The following SYT7 variants were observed in gnomAD, a reference collection of about 807,000 sequenced individuals.
SYT7 encodes synaptotagmin-7.
In SYT7, 29 loss-of-function variants were observed where a neutral mutation model predicts 75.1. The observed-to-expected ratio is 0.39, with a 90% confidence interval of 0.29 to 0.53. The LOEUF (loss-of-function observed/expected upper bound fraction) is 0.53. Ranked by LOEUF, SYT7 falls within the 20% of genes least tolerant of loss-of-function variation. SYT7 has a pLI of 0.77. For synonymous variants in SYT7, 376 were observed against 401.7 expected, an observed-to-expected ratio of 0.94 and a Z score of 0.76; for missense variants, 693 against 953.2, an observed-to-expected ratio of 0.73 and a Z score of 3.59.
At chr11:61,533,826 A>C in intron 7 of SYT7, 1 of 223,002 alleles carries the variant, frequency 4.5e-6, no homozygotes, top group Non-Finnish European at 7.5e-6. Context: ...ATTTAGTTTA[A>C]TGGCCCCATA....
At chr11:61,541,103 C>G (rs903947106) in intron 6 of SYT7, 16 of 985,398 alleles carry the variant, frequency 1.6e-5, no homozygotes, top group Admixed American at 1.2e-4. Context: ...CCCATCTGCC[C>G]GGGAAGCCCT....
intron 2 of SYT7, among the ~76,000 whole-genome samples, chr11:61,552,628 A>G (rs1435427377): frequency 6.6e-6 from 1 of 152,196 alleles, no homozygotes; most frequent in African/African-American, 2.4e-5. Context: ...TGTCACAGCC[A>G]TGCTCCCTGA....
Position 61,523,366 on chromosome 11 carries a change from G to C in SYT7, c.1757-92C>G. On this transcript the variant is annotated intron_variant, in intron 11 of 12. Transcript: ENST00000539008. This position sits in a 1 kb window ranked among gnomAD's most constrained non-coding sequence, Gnocchi z 5.0. ...CTTCCAGGAATGGAAGCTGAGGCAG[G>C]AGGGCCGTGTGCTTTCCCCAGAGGC... 7.7e-7 allele frequency: 1 copy of C among 1,294,276 alleles called. No homozygotes were observed. Among genetic ancestry groups the C allele is most frequent in the Admixed American group, 1.7e-5 (1 of 57,748 alleles). 80.2% of individuals were successfully genotyped at this position (1,294,276 alleles called of 1,614,324 possible). A position where few individuals can be genotyped will look rare whatever the true frequency, so the allele number is the denominator to read the frequency against.
rs1415818525 is a variant in SYT7 at position 61,538,357 on chromosome 11, G to GAGAC, written c.942-92_942-91insGTCT. On this transcript the variant is annotated intron_variant, in intron 6 of 12. Transcript: ENST00000539008. ...GGAAGGAGAGAGAGGGAGAGAGAGA[G>GAGAC]AGAGAGAGAGAGAGAGAGAGAGAGA... 2.7e-6 allele frequency: 2 copies of GAGAC among 734,326 alleles called. 1 individual carries two copies. The highest frequency in any genetic ancestry group is 3.7e-5 in the African/African-American group (2 of 54,446). 45.5% of individuals were successfully genotyped at this position (734,326 alleles called of 1,614,324 possible). A position where few individuals can be genotyped will look rare whatever the true frequency, so the allele number is the denominator to read the frequency against.
chr11:61,518,975 T>C (rs749406593), intron 12 of SYT7, among the ~76,000 whole-genome samples: 7 of 152,230 alleles, frequency 4.6e-5, no homozygotes, highest in Non-Finnish European at 1.0e-4. Context: ...GGAATTAGAC[T>C]GCCAACCTAT....
rs1326728736 is a variant in SYT7, at chr11:61,517,304, G to C, written c.*1323C>G. 2.5e-6 allele frequency: 1 copy of C among 398,546 alleles called. No individual in the cohort carries two copies. The highest frequency in any genetic ancestry group is 4.4e-6 in the Non-Finnish European group (1 of 226,106). 24.7% of individuals were successfully genotyped at this position (398,546 alleles called of 1,614,324 possible). Reference sequence around the variant, plus strand: ...CAGTGGCCGAGGCAGAGAAACCACAGCTTCTTTGTGTGTGGCAACCTCAGA... The same window carrying C: ...CAGTGGCCGAGGCAGAGAAACCACACCTTCTTTGTGTGTGGCAACCTCAGA... On this transcript the variant is annotated 3_prime_UTR_variant, in exon 13 of 13. Transcript: ENST00000539008.
chr11:61,534,240 G>A (rs1039398653), intron 7 of SYT7, among the ~76,000 whole-genome samples: 1 of 152,224 alleles, frequency 6.6e-6, no homozygotes, highest in Non-Finnish European at 1.5e-5. Context: ...GGGTGGACAT[G>A]AGCCATGGCC....
upstream of SYT7, among the ~76,000 whole-genome samples, chr11:61,584,938 C>T (rs1176904669): frequency 2.6e-5 from 4 of 152,252 alleles, no homozygotes; most frequent in African/African-American, 9.6e-5. Flanking sequence ...GTCCCCTGTC[C>T]TGGGTTCCAT....
At chr11:61,559,495 T>C (rs2063584312) in intron 1 of SYT7, among the ~76,000 whole-genome samples, 1 of 152,126 alleles carries the variant, frequency 6.6e-6, no homozygotes, top group South Asian at 2.1e-4. Flanking sequence ...ATGGGAGCCA[T>C]GATAGGCTTT....
chr11:61,526,649 C>T lies in SYT7; in HGVS notation c.1471+1266G>A, dbSNP rs747178449. 4 of 152,202 alleles carry T rather than the reference C, an allele frequency of 2.6e-5. No individual in the cohort carries two copies. In the South Asian group the frequency reaches 8.3e-4, roughly 31 times the overall value. 9.4% of individuals were successfully genotyped at this position (152,202 alleles called of 1,614,324 possible). Reference sequence around the variant, plus strand: ...TCATGGCTGTTGCTGGGTACATGCTCGTGGAAGAGACCGGAGGATTGGAGT... The same window carrying T: ...TCATGGCTGTTGCTGGGTACATGCTTGTGGAAGAGACCGGAGGATTGGAGT... On this transcript the variant is annotated intron_variant, in intron 9 of 12. Coordinates refer to ENST00000539008, the MANE Select transcript of SYT7 (RefSeq NM_001365809.2).
intron 1 of SYT7, among the ~76,000 whole-genome samples, chr11:61,561,644 C>A (rs1361983914): frequency 6.6e-6 from 1 of 152,116 alleles, no homozygotes; most frequent in African/African-American, 2.4e-5. Context: ...CCAGCACCAA[C>A]GGTGGAGCAT....
chr11:61,556,287 C>T (rs2063499235), intron 1 of SYT7, 80 bp from the exon 2 acceptor site: 2 of 1,149,130 alleles, frequency 1.7e-6, no homozygotes, highest in Non-Finnish European at 2.5e-6. Context: ...TCCAGAACCA[C>T]CACCCTACCC....
In SYT7 at chr11:61,533,722, G is replaced by A. The variant is rs535434467; in HGVS notation, c.1065-598C>T. On this transcript the variant is annotated intron_variant, in intron 7 of 12. Coordinates refer to ENST00000539008, the MANE Select transcript of SYT7 (RefSeq NM_001365809.2). ...GTGTTCTGTATTTGTGCTGTCCAGT[G>A]GAGCAGCCACATGCCACACGTGTGC... is the stretch of plus-strand genomic sequence containing the variant. 327 of 961,736 alleles carry A rather than the reference G, an allele frequency of 3.4e-4. 1 individual carries two copies. The highest frequency in any genetic ancestry group is 3.9e-4 in the Non-Finnish European group (315 of 808,376). 59.6% of individuals were successfully genotyped at this position (961,736 alleles called of 1,614,324 possible).
At chr11:61,571,708 G>T (rs2063925418) in intron 1 of SYT7, among the ~76,000 whole-genome samples, 1 of 152,200 alleles carries the variant, frequency 6.6e-6, no homozygotes. Flanking sequence ...AGCCAACCTG[G>T]GGGTGGAGAG....
intron 1 of SYT7, among the ~76,000 whole-genome samples, chr11:61,563,521 T>C (rs2063693083): frequency 6.6e-6 from 1 of 152,212 alleles, no homozygotes; most frequent in African/African-American, 2.4e-5. Context: ...AACTAAGGCA[T>C]GGGGAATAAT....
rs757148651 is a variant in SYT7, at chr11:61,523,934, C to T, written c.1649G>A (p.Arg550Gln). Residue 550 changes from arginine (R) to glutamine (Q), a missense_variant, in exon 11 of 13, where the codon CGA (arginine) becomes CAA (glutamine). Physicochemically the swap from Arg to Gln is conservative, Grantham distance 43. Coordinates refer to ENST00000539008, the MANE Select transcript of SYT7 (RefSeq NM_001365809.2). This position sits in a 1 kb window ranked among gnomAD's most constrained non-coding sequence, Gnocchi z 5.0. Reference protein sequence around the residue: ...LKPCSDGSGSRGELLLSLCYN... With the variant: ...LKPCSDGSGSQGELLLSLCYN... ...GCAGAGAGACAAGAGCAGCTCCCCTCGGCTCCCCTGGGAGGCACGACAGGA... is the reference window on the plus strand; with the variant it reads ...GCAGAGAGACAAGAGCAGCTCCCCTTGGCTCCCCTGGGAGGCACGACAGGA... The T allele has an allele frequency of 5.6e-6, 9 of 1,613,918 alleles. No individual in the cohort carries two copies. Among genetic ancestry groups the T allele is most frequent in the South Asian group, 1.1e-5 (1 of 91,076 alleles).
Position 61,580,804 on chromosome 11 carries a change from T to C in SYT7, c.17A>G (p.Glu6Gly). Residue 6 changes from glutamate (E) to glycine (G), a missense_variant, in exon 1 of 13, where the codon GAG becomes GGG. Transcript: ENST00000539008. The surrounding 1 kb of genome is among the most constrained non-coding windows in gnomAD (Gnocchi z 6.1). Reference sequence around the variant, plus strand: ...GCCGCGCTTACCTGGGCTGGCCGCCTCCGGGTCCCGGTACATGGTCCCCTC... The same window carrying C: ...GCCGCGCTTACCTGGGCTGGCCGCCCCCGGGTCCCGGTACATGGTCCCCTC... MYRDP[E>G]AASPGAPSRD... The C allele has an allele frequency of 1.6e-6, 2 of 1,287,444 alleles. No individual in the cohort carries two copies. Among genetic ancestry groups the C allele is most frequent in the East Asian group, 3.3e-5 (1 of 29,970 alleles). 79.8% of individuals were successfully genotyped at this position (1,287,444 alleles called of 1,614,324 possible).
intron 8 of SYT7, among the ~76,000 whole-genome samples, chr11:61,528,720 G>A (rs148510852): frequency 4.6e-5 from 7 of 152,278 alleles, no homozygotes; most frequent in South Asian, 2.1e-4. Flanking sequence ...CAAAATGAGA[G>A]AGGCAAGTTT....
At chr11:61,534,623 G>A (rs2062814675) in intron 7 of SYT7, among the ~76,000 whole-genome samples, 1 of 152,206 alleles carries the variant, frequency 6.6e-6, no homozygotes, top group Non-Finnish European at 1.5e-5. Context: ...GGGAGACCCA[G>A]GCATGCCACG....
Sources: gnomAD v4.1 joint callset for allele counts (sites outside exome capture counted in the v4.1 genomes callset) on GRCh38, gnomAD v4.1.1 for gene constraint, Gnocchi (gnomAD v3.1) non-coding constraint, MANE v1.5 for transcripts, NCBI Gene and HGNC (gene_info 2026-07-23, HGNC 2026-07-21) for gene names.